The following RBPMS variants were observed in gnomAD, a reference collection of about 807,000 sequenced individuals.
The protein encoded by RBPMS is RNA-binding protein with multiple splicing.
In RBPMS, 7 loss-of-function variants were observed where a neutral mutation model predicts 26.8. That is an observed-to-expected ratio of 0.26 (90% CI 0.15 to 0.49). RBPMS has a LOEUF of 0.49. RBPMS is among the 20% of genes least tolerant of loss of function. The pLI is 0.98. For synonymous variants in RBPMS, 96 were observed against 93.3 expected (o/e 1.03, Z -0.17); for missense variants, 186 against 250.0 (o/e 0.74, Z 1.73).
At chr8:30,551,292 C>T (rs187059595) in intron 6 of RBPMS, among the ~76,000 whole-genome samples, 294 of 152,338 alleles carry the variant, frequency 1.9e-3, no homozygotes, top group Middle Eastern at 3.4e-3. Flanking sequence ...GCTGCTGCTA[C>T]TGAGGCCCAG....
chr8:30,556,843 C>A, intron 6 of RBPMS: 1 of 919,544 alleles, frequency 1.1e-6, no homozygotes, highest in Non-Finnish European at 1.3e-6. Flanking sequence ...CCTCTCCTCC[C>A]CTAGACTCTT....
At chr8:30,389,386 G>A (rs1034941244) in intron 1 of RBPMS, among the ~76,000 whole-genome samples, 28 of 152,198 alleles carry the variant, frequency 1.8e-4, no homozygotes, top group Non-Finnish European at 4.0e-4. Context: ...AGGGGTGGAA[G>A]TTCTCTTCTG....
chr8:30,443,280 T>C (rs537505183), intron 1 of RBPMS, among the ~76,000 whole-genome samples: 3 of 152,332 alleles, frequency 2.0e-5, no homozygotes, highest in Non-Finnish European at 4.4e-5. Flanking sequence ...TTTTTTAAAA[T>C]GGTGTCCTGC....
chr8:30,496,399 A>G (rs548819250), intron 4 of RBPMS, among the ~76,000 whole-genome samples: 3 of 151,984 alleles, frequency 2.0e-5, no homozygotes, highest in East Asian at 3.9e-4. Context: ...CGATCTCCCA[A>G]CCTCGTGATC....
chr8:30,458,963 C>CT (rs1243285803), intron 1 of RBPMS, among the ~76,000 whole-genome samples: 2,958 of 134,050 alleles, frequency 0.022, 67 homozygotes, highest in African/African-American at 0.061. Flanking sequence ...AGCATGTTGG[C>CT]TTTTTTTTTT....
chr8:30,464,919 A>G (rs960432922), intron 1 of RBPMS, among the ~76,000 whole-genome samples: 6 of 152,236 alleles, frequency 3.9e-5, no homozygotes, highest in African/African-American at 1.4e-4. Flanking sequence ...ACCTTAGGGC[A>G]TTAGAATGCA....
intron 4 of RBPMS, 82 bp downstream of exon 4, chr8:30,479,459 G>T: frequency 9.7e-7 from 1 of 1,025,856 alleles, no homozygotes. Context: ...GGGAAATCAA[G>T]TGGAAAGAAT....
At chr8:30,390,446 A>T (rs919347633) in intron 1 of RBPMS, among the ~76,000 whole-genome samples, 1 of 152,194 alleles carries the variant, frequency 6.6e-6, no homozygotes, top group Non-Finnish European at 1.5e-5. Flanking sequence ...GGGCCCTCCA[A>T]TGCCCCGAAT....
At chr8:30,475,428 A>T (rs1465985902) in intron 2 of RBPMS, among the ~76,000 whole-genome samples, 2 of 152,348 alleles carry the variant, frequency 1.3e-5, no homozygotes, top group East Asian at 3.9e-4. Flanking sequence ...AACCTTTTGA[A>T]GGTTGGCCTT....
intron 1 of RBPMS, among the ~76,000 whole-genome samples, chr8:30,473,120 A>C (rs1271990459): frequency 2.0e-5 from 3 of 152,210 alleles, no homozygotes; most frequent in Non-Finnish European, 4.4e-5. Flanking sequence ...TTGCCTATTG[A>C]ATCAAGATCA....
intron 8 of RBPMS, among the ~76,000 whole-genome samples, chr8:30,569,322 GA>G (rs1424141676): frequency 6.6e-6 from 1 of 152,224 alleles, no homozygotes; most frequent in Non-Finnish European, 1.5e-5. Flanking sequence ...TGAGGAGAAG[GA>G]AAAGGTCTCA....
intron 1 of RBPMS, among the ~76,000 whole-genome samples, chr8:30,457,133 T>C (rs1324324995): frequency 1.3e-5 from 2 of 152,238 alleles, no homozygotes; most frequent in Non-Finnish European, 2.9e-5. Flanking sequence ...GGGTCATGTC[T>C]GCTCTGAAAC....
At chr8:30,553,869 C>T (rs1826601857) in intron 6 of RBPMS, 1 of 152,252 alleles carries the variant, frequency 6.6e-6, no homozygotes, top group Non-Finnish European at 1.5e-5. Flanking sequence ...CTCCACCTCC[C>T]AGGTTCACGC....
At chr8:30,508,347 CAA>C in intron 5 of RBPMS, among the ~76,000 whole-genome samples, 2 of 152,234 alleles carry the variant, frequency 1.3e-5, no homozygotes, top group Admixed American at 1.3e-4. Context: ...CCTAGAAATA[CAA>C]TACATCAAGT....
At position 30,446,812 on chromosome 8, in the gene RBPMS, T is replaced by C. The variant is rs1375729281; in HGVS notation, c.67-27967T>C. On this transcript the variant is annotated intron_variant, in intron 1 of 8. Transcript: ENST00000397323. Reference sequence around the variant, plus strand: ...CACATGGCTTGTGTGTGTGTGTGTGTGTGTGTGTGTGTGTGTGTGTGTGTG... The same window carrying C: ...CACATGGCTTGTGTGTGTGTGTGTGCGTGTGTGTGTGTGTGTGTGTGTGTG... 1.4e-3 allele frequency: 127 copies of C among 92,292 alleles called. 2 individuals are homozygous for C. The highest frequency in any genetic ancestry group is 6.9e-3 in the African/African-American group (123 of 17,820). The allele number at this position is 92,292 out of a possible 1,614,324, so 5.7% of individuals were successfully genotyped here. A position where few individuals can be genotyped will look rare whatever the true frequency, so the allele number is the denominator to read the frequency against.
At chr8:30,495,189 A>G (rs1008092555) in intron 4 of RBPMS, among the ~76,000 whole-genome samples, 1 of 152,204 alleles carries the variant, frequency 6.6e-6, no homozygotes, top group African/African-American at 2.4e-5. Flanking sequence ...CTAGACATGG[A>G]AACATATTCC....
chr8:30,480,724 AGTT>A (rs1818185333), intron 4 of RBPMS, among the ~76,000 whole-genome samples: 1 of 152,242 alleles, frequency 6.6e-6, no homozygotes, highest in African/African-American at 2.4e-5. Flanking sequence ...TTGATATAAA[AGTT>A]GTTTTATGAT....
At chr8:30,566,099 C>A in intron 7 of RBPMS, 158 bp from the exon 8 acceptor site, 1 of 176,398 alleles carries the variant, frequency 5.7e-6, no homozygotes, top group Non-Finnish European at 1.1e-5. Flanking sequence ...CATTCTGCAG[C>A]AGCCTCTGGT....
chr8:30,561,927 C>T (rs1366192106), intron 7 of RBPMS: 2 of 985,120 alleles, frequency 2.0e-6, no homozygotes, highest in South Asian at 4.7e-5. Flanking sequence ...AATTTTTTTC[C>T]AAATCATTTC....
Sources: gnomAD v4.1 joint callset for allele counts (sites outside exome capture counted in the v4.1 genomes callset) on GRCh38, gnomAD v4.1.1 for gene constraint, MANE v1.5 for transcripts, NCBI Gene and HGNC (gene_info 2026-07-23, HGNC 2026-07-21) for gene names.